The following KCNQ3 variants were observed in gnomAD, a reference collection of about 807,000 sequenced individuals.
KCNQ3 encodes the protein potassium voltage-gated channel subfamily Q member 3.
Under a neutral mutation model 92.5 loss-of-function variants are expected in KCNQ3, and 30 were observed. That is an observed-to-expected ratio of 0.32 (90% CI 0.24 to 0.44). The LOEUF is 0.44. Ranked by LOEUF, KCNQ3 falls within the 20% of genes least tolerant of loss-of-function variation. The pLI, the probability that KCNQ3 is intolerant of heterozygous loss-of-function variation, is 1.00. For missense variants in KCNQ3, 913 were observed against 1,140.3 expected (o/e 0.80, Z 2.87); for synonymous variants, 450 against 468.8 (o/e 0.96, Z 0.52).
At chr8:132,150,423 A>G (rs1392674754) in intron 9 of KCNQ3, among the ~76,000 whole-genome samples, 2 of 152,092 alleles carry the variant, frequency 1.3e-5, no homozygotes, top group African/African-American at 4.8e-5. Flanking sequence ...ACCACCTTGG[A>G]TTTTCCTTTC....
At chr8:132,353,600 G>C (rs1273529655) in intron 1 of KCNQ3, among the ~76,000 whole-genome samples, 1 of 152,128 alleles carries the variant, frequency 6.6e-6, no homozygotes, top group Non-Finnish European at 1.5e-5. Context: ...GATCATCTGA[G>C]GTCAGGAGTT....
At chr8:132,366,656 T>G (rs1819330833) in intron 1 of KCNQ3, among the ~76,000 whole-genome samples, 1 of 152,194 alleles carries the variant, frequency 6.6e-6, no homozygotes, top group Non-Finnish European at 1.5e-5. Flanking sequence ...ATAATTTAAC[T>G]AAGAAAATCT....
chr8:132,417,480 G>A (rs1820847864), intron 1 of KCNQ3, among the ~76,000 whole-genome samples: 1 of 152,202 alleles, frequency 6.6e-6, no homozygotes, highest in Admixed American at 6.5e-5. Context: ...GTCTCCCATG[G>A]GTGGAGAATA....
intron 1 of KCNQ3, among the ~76,000 whole-genome samples, chr8:132,345,015 T>C (rs1818641746): frequency 6.6e-6 from 1 of 152,232 alleles, no homozygotes; most frequent in South Asian, 2.1e-4. Flanking sequence ...AATGGTACAG[T>C]TTCACTAGAG....
At chr8:132,347,700 G>A (rs959875438) in intron 1 of KCNQ3, among the ~76,000 whole-genome samples, 5 of 152,056 alleles carry the variant, frequency 3.3e-5, no homozygotes, top group African/African-American at 7.2e-5. Context: ...AAAACCGGCC[G>A]GGCGCAGTGG....
intron 9 of KCNQ3, among the ~76,000 whole-genome samples, chr8:132,150,135 A>G (rs1333942843): frequency 6.8e-6 from 1 of 147,942 alleles, no homozygotes; most frequent in African/African-American, 2.5e-5. Context: ...GGATCACTGT[A>G]TTTTTGGTAG....
At chr8:132,442,720 C>G (rs770198454) in intron 1 of KCNQ3, among the ~76,000 whole-genome samples, 3 of 152,182 alleles carry the variant, frequency 2.0e-5, no homozygotes, top group Non-Finnish European at 2.9e-5. Context: ...CATTCTCTCT[C>G]CCAGAAGAAA....
intron 1 of KCNQ3, among the ~76,000 whole-genome samples, chr8:132,353,099 G>A (rs1360681522): frequency 3.9e-5 from 6 of 152,170 alleles, no homozygotes; most frequent in Admixed American, 6.5e-5. Context: ...GGTGGTGGGC[G>A]CCTGTAATCC....
chr8:132,263,020 G>A (rs1346778250), intron 1 of KCNQ3, among the ~76,000 whole-genome samples: 1 of 152,150 alleles, frequency 6.6e-6, no homozygotes, highest in East Asian at 1.9e-4. Flanking sequence ...ATGGTTACTG[G>A]GAGGTAGATC....
rs916412947 is a variant in KCNQ3, at chr8:132,397,752, A to C, written c.386+82395T>G. Among the ~76,000 whole-genome samples, 3 of 152,292 alleles carry C rather than the reference A, an allele frequency of 2.0e-5. No homozygotes were observed. The East Asian group carries it at 5.8e-4, about 29-fold the overall frequency. On this transcript the variant is annotated intron_variant, in intron 1 of 14. Transcript: ENST00000388996. ...TAATAATAATAATAAAGACTAAAAAAAGTTCCCAGAGAAGCTAAGGAACTT... is the reference window on the plus strand; with the variant it reads ...TAATAATAATAATAAAGACTAAAAACAGTTCCCAGAGAAGCTAAGGAACTT...
intron 1 of KCNQ3, among the ~76,000 whole-genome samples, chr8:132,255,770 C>T (rs1815564087): frequency 6.6e-6 from 1 of 152,190 alleles, no homozygotes; most frequent in Non-Finnish European, 1.5e-5. Flanking sequence ...ATTAAACTAA[C>T]TGAACACAGA....
intron 1 of KCNQ3, among the ~76,000 whole-genome samples, chr8:132,462,430 T>C (rs1158699371): frequency 1.3e-5 from 2 of 152,196 alleles, no homozygotes; most frequent in African/African-American, 2.4e-5. Flanking sequence ...TCAAGTGATC[T>C]ACCCACCTCG....
At chr8:132,268,956 A>G (rs1816071176) in intron 1 of KCNQ3, among the ~76,000 whole-genome samples, 1 of 151,996 alleles carries the variant, frequency 6.6e-6, no homozygotes, top group Admixed American at 6.6e-5. Context: ...TTTTATTTTT[A>G]TTTGGATTTC....
rs1194094419 is a variant in KCNQ3 at position 132,129,387 on chromosome 8, A to G, written c.2494T>C (p.Tyr832His). Residue 832 changes from tyrosine to histidine, a missense_variant, in exon 15 of 15, where the codon TAC becomes CAC. Coordinates refer to ENST00000388996, the MANE Select transcript of KCNQ3 (RefSeq NM_004519.4). The surrounding 1 kb of genome is among the most constrained non-coding windows in gnomAD (Gnocchi z 5.9). ...GGSSWMREKR[Y>H]LAEGETDTDT... ...GTGTCCGTCTCACCCTCGGCGAGGT[A>G]CCGCTTCTCCCTCATCCAGCTCGAC... The G allele has an allele frequency of 6.2e-7, 1 of 1,614,024 alleles. No individual in the cohort carries two copies. Among genetic ancestry groups the G allele is most frequent in the East Asian group, 2.2e-5 (1 of 44,872 alleles).
intron 9 of KCNQ3, among the ~76,000 whole-genome samples, chr8:132,148,189 G>A (rs1196691277): frequency 3.9e-5 from 6 of 152,148 alleles, no homozygotes; most frequent in Admixed American, 2.0e-4. Context: ...AAGAAAGGGG[G>A]TCTGGAACTT....
chr8:132,436,945 G>T (rs1184143041), intron 1 of KCNQ3, among the ~76,000 whole-genome samples: 4 of 152,162 alleles, frequency 2.6e-5, no homozygotes, highest in Non-Finnish European at 5.9e-5. Flanking sequence ...AGGCTTTTCA[G>T]GAGTTGGACT....
At chr8:132,468,404 C>T (rs144721991) in intron 1 of KCNQ3, among the ~76,000 whole-genome samples, 32 of 152,312 alleles carry the variant, frequency 2.1e-4, no homozygotes, top group African/African-American at 7.5e-4. Flanking sequence ...AAGACACCAT[C>T]AAGGCAGAAA....
At chr8:132,403,501 G>A (rs1387904708) in intron 1 of KCNQ3, among the ~76,000 whole-genome samples, 1 of 152,216 alleles carries the variant, frequency 6.6e-6, no homozygotes, top group African/African-American at 2.4e-5. Context: ...GGGGTGTTAA[G>A]CAGCATGCAG....
Position 132,417,639 on chromosome 8 carries a change from G to A in KCNQ3, c.386+62508C>T, listed in dbSNP as rs764095512. ...GGACTTGACCACTTAGCAGCAAGAC[G>A]GTCATCTGACTCAGACCTGGGCAAA... On this transcript the variant is annotated intron_variant, in intron 1 of 14. Coordinates refer to ENST00000388996, the MANE Select transcript of KCNQ3 (RefSeq NM_004519.4). Among the ~76,000 whole-genome samples, 33 of 152,052 alleles carry A rather than the reference G, an allele frequency of 2.2e-4. 1 individual carries two copies. Among genetic ancestry groups the A allele is most frequent in the Admixed American group, 1.0e-3 (16 of 15,262 alleles).
Sources: allele counts gnomAD v4.1 joint callset (sites outside exome capture counted in the v4.1 genomes callset), GRCh38; gene constraint gnomAD v4.1.1; non-coding constraint Gnocchi (gnomAD v3.1); transcripts MANE v1.5; gene names NCBI Gene and HGNC (gene_info 2026-07-23, HGNC 2026-07-21).